The following TMCC1 variants were observed in gnomAD, a reference collection of about 807,000 sequenced individuals.
The protein encoded by TMCC1 is transmembrane and coiled-coil domains protein 1.
In TMCC1, 15 loss-of-function variants were observed where a neutral mutation model predicts 52.4. The ratio of observed to expected loss-of-function variants is 0.29; its 90% CI spans 0.19 to 0.44. TMCC1 has a LOEUF of 0.44. Ranked by LOEUF, TMCC1 falls within the 20% of genes least tolerant of loss-of-function variation. The pLI is 1.00. For synonymous variants in TMCC1, 279 were observed against 301.9 expected (o/e 0.92, Z 0.79); for missense variants, 503 against 806.0 (o/e 0.62, Z 4.55).
At chr3:129,744,442 C>T (rs910961959) in intron 4 of TMCC1, among the ~76,000 whole-genome samples, 4 of 151,772 alleles carry the variant, frequency 2.6e-5, no homozygotes, top group African/African-American at 9.7e-5. Context: ...CGTGAGGCAC[C>T]GCACCCAGCC....
chr3:129,682,285 C>T (rs899004900), intron 4 of TMCC1, among the ~76,000 whole-genome samples: 12 of 152,142 alleles, frequency 7.9e-5, no homozygotes, highest in Non-Finnish European at 1.8e-4. Flanking sequence ...ACCCACGTCA[C>T]TATGCCCAGC....
chr3:129,761,226 G>C (rs975107171), intron 4 of TMCC1, among the ~76,000 whole-genome samples: 12 of 151,816 alleles, frequency 7.9e-5, no homozygotes, highest in Admixed American at 3.3e-4. Flanking sequence ...TACTCGGGAG[G>C]GTGAGGCGGG....
intron 4 of TMCC1, among the ~76,000 whole-genome samples, chr3:129,723,542 AAC>A (rs1379643282): frequency 7.0e-6 from 1 of 142,052 alleles, no homozygotes; most frequent in Admixed American, 6.9e-5. Context: ...CATTGAAAGA[AAC>A]ACTGATTTTC....
At chr3:129,798,376 C>G (rs2056980749) in intron 4 of TMCC1, among the ~76,000 whole-genome samples, 1 of 152,000 alleles carries the variant, frequency 6.6e-6, no homozygotes, top group African/African-American at 2.4e-5. Context: ...CTGAAATTAT[C>G]TCCTAGGAAT....
intron 4 of TMCC1, among the ~76,000 whole-genome samples, chr3:129,757,844 T>TA (rs1020808509): frequency 6.6e-4 from 96 of 144,862 alleles, no homozygotes; most frequent in African/African-American, 1.7e-3. Context: ...ATAAATAAAT[T>TA]AAAAAAAAAA....
intron 5 of TMCC1, among the ~76,000 whole-genome samples, chr3:129,669,575 C>T (rs1267339718): frequency 6.6e-6 from 1 of 152,042 alleles, no homozygotes; most frequent in African/African-American, 2.4e-5. Flanking sequence ...GCTGGGATTA[C>T]AGGCATGCAC....
At chr3:129,801,473 T>C (rs941678533) in intron 4 of TMCC1, among the ~76,000 whole-genome samples, 2 of 152,042 alleles carry the variant, frequency 1.3e-5, no homozygotes, top group African/African-American at 4.8e-5. Context: ...TTTGTTTTTG[T>C]TTTCCCGAGA....
intron 1 of TMCC1, among the ~76,000 whole-genome samples, chr3:129,890,946 A>C: frequency 6.6e-6 from 1 of 152,230 alleles, no homozygotes; most frequent in Non-Finnish European, 1.5e-5. Flanking sequence ...GAGGAAACGG[A>C]AAGGTACCAT....
At chr3:129,846,363 C>T (rs1359213756) in intron 2 of TMCC1, among the ~76,000 whole-genome samples, 2 of 152,160 alleles carry the variant, frequency 1.3e-5, no homozygotes, top group Non-Finnish European at 2.9e-5. Context: ...GAAGTGAAAC[C>T]TTAGCCATGT....
intron 2 of TMCC1, among the ~76,000 whole-genome samples, chr3:129,859,687 T>C (rs920074022): frequency 4.3e-4 from 63 of 146,002 alleles, no homozygotes; most frequent in African/African-American, 1.6e-3. Flanking sequence ...CACACACACA[T>C]ACACACGTAT....
intron 4 of TMCC1, among the ~76,000 whole-genome samples, chr3:129,708,054 G>C (rs540723298): frequency 2.6e-5 from 4 of 152,212 alleles, no homozygotes; most frequent in African/African-American, 9.6e-5. Context: ...GTAATTTAGT[G>C]CTTTGTCTTG....
chr3:129,721,737 G>C (rs1426249626), intron 4 of TMCC1, among the ~76,000 whole-genome samples: 1 of 150,958 alleles, frequency 6.6e-6, no homozygotes, highest in South Asian at 2.1e-4. Context: ...TTAGCTGGGC[G>C]TGGTGGCAGG....
intron 4 of TMCC1, among the ~76,000 whole-genome samples, chr3:129,805,070 G>A (rs559661679): frequency 6.6e-6 from 1 of 152,242 alleles, no homozygotes; most frequent in African/African-American, 2.4e-5. Flanking sequence ...TAAAAACCAG[G>A]CTGGAGTTAT....
rs2059064248 is a variant in TMCC1, at chr3:129,834,451, G to C, written c.-183-1625C>G. ...ATCCTCACAACAACCCACAAGACAA[G>C]GGGGTTGTTGAAACCAACCAATTTA... On this transcript the variant is annotated intron_variant, in intron 2 of 6. Coordinates refer to ENST00000393238, the MANE Select transcript of TMCC1 (RefSeq NM_001017395.5). Among the ~76,000 whole-genome samples the C allele has an allele frequency of 2.0e-5, 3 of 152,108 alleles. No individual in the cohort carries two copies. In the South Asian group the frequency reaches 6.2e-4, roughly 32 times the overall value.
chr3:129,858,419 G>A (rs561114619), intron 2 of TMCC1, among the ~76,000 whole-genome samples: 7 of 152,254 alleles, frequency 4.6e-5, no homozygotes, highest in African/African-American at 1.4e-4. Flanking sequence ...CACTCAGGCT[G>A]GAGTGCACTG....
chr3:129,699,231 T>C (rs991283109), intron 4 of TMCC1, among the ~76,000 whole-genome samples: 2 of 152,054 alleles, frequency 1.3e-5, no homozygotes, highest in Non-Finnish European at 2.9e-5. Flanking sequence ...CAGGATGAGA[T>C]AGGAGGTCAG....
intron 4 of TMCC1, among the ~76,000 whole-genome samples, chr3:129,778,365 G>A (rs1370335159): frequency 6.6e-6 from 1 of 152,126 alleles, no homozygotes; most frequent in Non-Finnish European, 1.5e-5. Context: ...GAAAAGACAG[G>A]AATTCTAGTT....
intron 4 of TMCC1, among the ~76,000 whole-genome samples, chr3:129,705,286 A>G (rs1410347040): frequency 6.6e-6 from 1 of 152,114 alleles, no homozygotes; most frequent in Non-Finnish European, 1.5e-5. Context: ...TACTCTTGAC[A>G]TTTTGGCCAC....
intron 5 of TMCC1, among the ~76,000 whole-genome samples, chr3:129,666,825 G>A (rs1238873281): frequency 6.6e-6 from 1 of 152,016 alleles, no homozygotes; most frequent in African/African-American, 2.4e-5. Context: ...AGCTACTCAG[G>A]AGGCTGAGGT....
Sources: allele counts gnomAD v4.1 joint callset (sites outside exome capture counted in the v4.1 genomes callset), GRCh38; gene constraint gnomAD v4.1.1; transcripts MANE v1.5; gene names NCBI Gene and HGNC (gene_info 2026-07-23, HGNC 2026-07-21).